Variants in CTNNA2 observed in about 807,000 individuals in gnomAD.
The protein encoded by CTNNA2 is catenin alpha 2, also known as catenin alpha-2.
A neutral mutation model predicts 101.0 loss-of-function variants in CTNNA2; 42 were observed. That is an observed-to-expected ratio of 0.42 (90% confidence interval 0.32 to 0.54). The LOEUF (loss-of-function observed/expected upper bound fraction) is 0.54. Ranked by LOEUF, CTNNA2 falls within the 20% of genes least tolerant of loss-of-function variation. CTNNA2 has a pLI of 0.14. For missense variants in CTNNA2, 871 were observed against 1,223.1 expected (o/e 0.71, Z 4.29); for synonymous variants, 450 against 456.4 (o/e 0.99, Z 0.18).
intron 7 of CTNNA2, among the ~76,000 whole-genome samples, chr2:80,224,405 C>G (rs1708752368): frequency 6.6e-6 from 1 of 152,130 alleles, no homozygotes; most frequent in South Asian, 2.1e-4. Context: ...TCTGGCCTGT[C>G]AATTCAGTCA....
At chr2:79,548,037 T>C (rs1673849529) in intron 1 of CTNNA2, 1 of 152,240 alleles carries the variant, frequency 6.6e-6, no homozygotes. Context: ...AGGGATGTAC[T>C]ATAAGTAAGA....
chr2:80,394,039 C>T (rs538802781), intron 8 of CTNNA2, among the ~76,000 whole-genome samples: 2 of 152,246 alleles, frequency 1.3e-5, no homozygotes, highest in East Asian at 3.9e-4. Flanking sequence ...TGATTTCTGC[C>T]CAGGAGGGCA....
At chr2:79,895,057 G>C (rs1455685396) in intron 6 of CTNNA2, among the ~76,000 whole-genome samples, 2 of 152,040 alleles carry the variant, frequency 1.3e-5, no homozygotes, top group African/African-American at 2.4e-5. Context: ...TCATCTTCTT[G>C]AGTTAACTCT....
intron 9 of CTNNA2, among the ~76,000 whole-genome samples, chr2:80,540,589 T>C (rs1691469253): frequency 7.8e-6 from 1 of 128,432 alleles, no homozygotes; most frequent in Admixed American, 7.7e-5. Context: ...AGAATGAGAC[T>C]CCATCTCAAA....
chr2:79,955,678 A>AT (rs146197725), intron 7 of CTNNA2, among the ~76,000 whole-genome samples: 1,942 of 151,688 alleles, frequency 0.013, 24 homozygotes, highest in Non-Finnish European at 0.019. Context: ...TGCCCAGCTA[A>AT]TTTTTTTTTG....
At chr2:80,242,149 G>A (rs997532005) in intron 7 of CTNNA2, among the ~76,000 whole-genome samples, 9 of 152,162 alleles carry the variant, frequency 5.9e-5, no homozygotes, top group Admixed American at 1.3e-4. Flanking sequence ...AACTGAGACT[G>A]GAGAAGATTT....
chr2:80,162,649 C>T (rs1704402428), intron 7 of CTNNA2: 2 of 1,612,468 alleles, frequency 1.2e-6, no homozygotes, highest in Non-Finnish European at 1.7e-6. Flanking sequence ...TTCATTCTGA[C>T]TTTACGCTGT....
intron 12 of CTNNA2, among the ~76,000 whole-genome samples, chr2:80,559,485 C>T (rs1362133865): frequency 6.6e-6 from 1 of 152,162 alleles, no homozygotes; most frequent in Admixed American, 6.6e-5. Flanking sequence ...GTTTATTTTC[C>T]ATGAATTATT....
intron 4 of CTNNA2, among the ~76,000 whole-genome samples, chr2:79,429,279 T>G (rs1678626213): frequency 6.6e-6 from 1 of 152,108 alleles, no homozygotes; most frequent in Admixed American, 6.6e-5. Flanking sequence ...GAGCCTGATT[T>G]CCCCAGTTTT....
chr2:79,684,376 C>A, intron 2 of CTNNA2, among the ~76,000 whole-genome samples: 1 of 152,128 alleles, frequency 6.6e-6, no homozygotes, highest in South Asian at 2.1e-4. Flanking sequence ...ATTCCTTATG[C>A]AACCCACTAA....
chr2:79,942,414 A>G (rs967184265), intron 7 of CTNNA2, among the ~76,000 whole-genome samples: 9 of 152,164 alleles, frequency 5.9e-5, no homozygotes, highest in African/African-American at 2.2e-4. Context: ...TTCTGTTTTG[A>G]TAAGAGGTTG....
intron 2 of CTNNA2, among the ~76,000 whole-genome samples, chr2:79,198,231 C>A (rs529137482): frequency 3.3e-5 from 5 of 152,160 alleles, no homozygotes; most frequent in East Asian, 1.9e-4. Context: ...AGGATATACA[C>A]CAAATTTTTA....
At chr2:79,869,734 T>G in intron 4 of CTNNA2, 82 bp from the exon 5 acceptor site, 1 of 1,530,016 alleles carries the variant, frequency 6.5e-7, no homozygotes, top group Non-Finnish European at 8.7e-7. Context: ...TTAGAGTTTT[T>G]GGGTGCAAAT....
chr2:79,912,411 G>C (rs970837155), intron 7 of CTNNA2, among the ~76,000 whole-genome samples: 2 of 152,222 alleles, frequency 1.3e-5, no homozygotes, highest in African/African-American at 4.8e-5. Flanking sequence ...CAATAGGATA[G>C]CAGTCACATG....
chr2:79,409,222 G>A (rs971076581), intron 4 of CTNNA2, among the ~76,000 whole-genome samples: 2 of 152,094 alleles, frequency 1.3e-5, no homozygotes, highest in African/African-American at 2.4e-5. Flanking sequence ...TGAGTAGATT[G>A]CGAAAATTTT....
At chr2:79,851,032 T>G (rs1247925908) in intron 3 of CTNNA2, among the ~76,000 whole-genome samples, 1 of 152,168 alleles carries the variant, frequency 6.6e-6, no homozygotes, top group Non-Finnish European at 1.5e-5. Flanking sequence ...GCAGAGGCCC[T>G]CAGCCACATC....
rs199506236 is a variant in CTNNA2, at chr2:79,197,061, AC to A, written c.-523-897del. ...CCTGTGATACCAGCCCTTAGGAAAAACTTTTGTGATCATTTCTTCAAAGCTT... is the reference window on the plus strand; with the variant it reads ...CCTGTGATACCAGCCCTTAGGAAAAATTTTGTGATCATTTCTTCAAAGCTT... On this transcript the variant is annotated intron_variant, in intron 1 of 21. Transcript: ENST00000466387. Among the ~76,000 whole-genome samples, 1,237 of 152,308 alleles carry A rather than the reference AC, an allele frequency of 8.1e-3. 11 individuals are homozygous for A. Among genetic ancestry groups the A allele is most frequent in the Non-Finnish European group, 0.013 (915 of 68,036 alleles).
chr2:79,253,771 TG>T (rs1361357740), intron 2 of CTNNA2, among the ~76,000 whole-genome samples: 1 of 152,248 alleles, frequency 6.6e-6, no homozygotes, highest in Non-Finnish European at 1.5e-5. Context: ...TTGACATTTC[TG>T]ATCATTTTGC....
chr2:80,075,572 AAT>A (rs1698632321), intron 7 of CTNNA2, among the ~76,000 whole-genome samples: 6 of 133,922 alleles, frequency 4.5e-5, no homozygotes, highest in African/African-American at 8.6e-5. Flanking sequence ...AATATTATAA[AAT>A]AATATTTATA....
Sources: gnomAD v4.1 joint callset for allele counts (sites outside exome capture counted in the v4.1 genomes callset) on GRCh38, gnomAD v4.1.1 for gene constraint, MANE v1.5 for transcripts, NCBI Gene and HGNC (gene_info 2026-07-23, HGNC 2026-07-21) for gene names.